Variants in MARCHF1 observed in about 807,000 individuals in gnomAD.
MARCHF1 encodes membrane associated ring-CH-type finger 1.
A neutral mutation model predicts 54.2 loss-of-function variants in MARCHF1; 40 were observed. The observed-to-expected ratio is 0.74, with a 90% CI of 0.57 to 0.96. The LOEUF is 0.96. MARCHF1 is among the 40% of genes least tolerant of loss of function. The pLI is 0.00. For missense variants in MARCHF1, 586 were observed against 656.5 expected, an observed-to-expected ratio of 0.89 and a Z score of 1.17; for synonymous variants, 236 against 236.3, an observed-to-expected ratio of 1.00 and a Z score of 0.01.
In MARCHF1 at chr4:164,051,935, T is replaced by C. The variant is rs1028949579; in HGVS notation, c.-248+59653A>G. ...TAGCCCCCTCAAAATGCAAAAGAAT[T>C]TTGATTTGCAGCTACCTAAAATGAA... On this transcript the variant is annotated intron_variant, in intron 2 of 9. Coordinates refer to ENST00000514618, the MANE Select transcript of MARCHF1 (RefSeq NM_001394959.1). Among the ~76,000 whole-genome samples, 3 of 152,318 alleles carry C rather than the reference T, an allele frequency of 2.0e-5. No individual in the cohort carries two copies. In the South Asian group the frequency reaches 6.2e-4, roughly 32 times the overall value.
At chr4:163,693,379 A>T (rs1744522436) in intron 5 of MARCHF1, among the ~76,000 whole-genome samples, 1 of 151,384 alleles carries the variant, frequency 6.6e-6, no homozygotes. Context: ...AGCATAAACC[A>T]CATTTTGGAA....
chr4:163,690,012 T>A (rs1744395354), intron 5 of MARCHF1, among the ~76,000 whole-genome samples: 1 of 152,106 alleles, frequency 6.6e-6, no homozygotes, highest in Admixed American at 6.6e-5. Context: ...TGACCCCTTT[T>A]TCTGAGGTTT....
intron 2 of MARCHF1, among the ~76,000 whole-genome samples, chr4:164,041,411 T>C (rs1295414205): frequency 1.3e-5 from 2 of 152,172 alleles, no homozygotes; most frequent in African/African-American, 4.8e-5. Context: ...TAGAAGCTCT[T>C]TGTGGATAAG....
At chr4:163,911,229 G>A (rs1751182237) in intron 3 of MARCHF1, among the ~76,000 whole-genome samples, 1 of 152,256 alleles carries the variant, frequency 6.6e-6, no homozygotes, top group African/African-American at 2.4e-5. Context: ...TTCAGAGGAT[G>A]GGGTGATTGA....
intron 3 of MARCHF1, among the ~76,000 whole-genome samples, chr4:163,931,485 C>T (rs1478521249): frequency 4.6e-5 from 7 of 152,062 alleles, no homozygotes; most frequent in African/African-American, 1.7e-4. Flanking sequence ...GGCGTGTTTG[C>T]CCCTTCCACC....
chr4:163,731,489 C>T (rs1456272730), intron 4 of MARCHF1, among the ~76,000 whole-genome samples: 1 of 152,140 alleles, frequency 6.6e-6, no homozygotes, highest in African/African-American at 2.4e-5. Context: ...GTTTCCAGGG[C>T]ATGGCATAGT....
chr4:163,607,673 T>G (rs1343032212), intron 7 of MARCHF1, among the ~76,000 whole-genome samples: 1 of 152,142 alleles, frequency 6.6e-6, no homozygotes, highest in African/African-American at 2.4e-5. Flanking sequence ...GACATTTGGC[T>G]TTTCAAATAC....
chr4:164,270,769 C>T (rs369219403), intron 1 of MARCHF1, among the ~76,000 whole-genome samples: 5 of 152,250 alleles, frequency 3.3e-5, no homozygotes, highest in East Asian at 1.9e-4. Flanking sequence ...ATATTATTTT[C>T]ATGTATAAAA....
At chr4:163,804,614 T>C (rs1748175126) in intron 4 of MARCHF1, among the ~76,000 whole-genome samples, 1 of 152,184 alleles carries the variant, frequency 6.6e-6, no homozygotes, top group Admixed American at 6.5e-5. Context: ...TCACCTCTTG[T>C]GAGAAAAATA....
intron 3 of MARCHF1, among the ~76,000 whole-genome samples, chr4:163,988,288 C>T (rs191816914): frequency 6.6e-6 from 1 of 152,248 alleles, no homozygotes; most frequent in Admixed American, 6.5e-5. Flanking sequence ...AGGAAGTGTC[C>T]CTATGGATCT....
At chr4:163,664,601 A>C (rs372413083) in intron 5 of MARCHF1, among the ~76,000 whole-genome samples, 1 of 152,058 alleles carries the variant, frequency 6.6e-6, no homozygotes, top group East Asian at 1.9e-4. Context: ...TGAATCTAAA[A>C]ATCATGTTTT....
chr4:163,975,655 T>C (rs767313471), intron 3 of MARCHF1, among the ~76,000 whole-genome samples: 4 of 152,132 alleles, frequency 2.6e-5, no homozygotes, highest in Non-Finnish European at 5.9e-5. Flanking sequence ...TTAGAAAGAT[T>C]GGAAGTGATG....
intron 3 of MARCHF1, among the ~76,000 whole-genome samples, chr4:163,893,397 C>T (rs1750706826): frequency 6.6e-6 from 1 of 152,112 alleles, no homozygotes; most frequent in African/African-American, 2.4e-5. Context: ...CCTCTGCCTC[C>T]CAAAGTGCCA....
At position 163,941,761 on chromosome 4, in the gene MARCHF1, A is replaced by T. The variant is rs149569888; in HGVS notation, c.-39+46740T>A. ...AAGGAGATAAGAGTGTTTATATCAC[A>T]GAGTTGTTGCAGTGATTAAAGCATT... On this transcript the variant is annotated intron_variant, in intron 3 of 9. Transcript: ENST00000514618. Among the ~76,000 whole-genome samples the T allele has an allele frequency of 1.6e-4, 24 of 152,316 alleles. No individual in the cohort carries two copies. In the East Asian group the frequency reaches 4.4e-3, roughly 28 times the overall value.
chr4:164,181,610 T>A (rs968828199), intron 1 of MARCHF1, among the ~76,000 whole-genome samples: 3 of 152,182 alleles, frequency 2.0e-5, no homozygotes, highest in African/African-American at 7.2e-5. Flanking sequence ...AGTTTTTTGA[T>A]AACTTTTCTA....
intron 2 of MARCHF1, among the ~76,000 whole-genome samples, chr4:164,040,801 A>T (rs1290651012): frequency 6.6e-6 from 1 of 152,038 alleles, no homozygotes; most frequent in Non-Finnish European, 1.5e-5. Context: ...TTGTGCTTGG[A>T]GAACTTCCAG....
At chr4:163,901,591 T>G (rs1750942412) in intron 3 of MARCHF1, among the ~76,000 whole-genome samples, 1 of 152,178 alleles carries the variant, frequency 6.6e-6, no homozygotes. Flanking sequence ...TTTTCAGCCC[T>G]GGGAATATTT....
At chr4:163,736,139 G>A (rs1746027742) in intron 4 of MARCHF1, among the ~76,000 whole-genome samples, 1 of 152,056 alleles carries the variant, frequency 6.6e-6, no homozygotes, top group Admixed American at 6.6e-5. Context: ...TTCCTATTAA[G>A]TAGAAAACTT....
At chr4:164,285,579 A>C (rs1039948344) in intron 1 of MARCHF1, among the ~76,000 whole-genome samples, 2 of 151,476 alleles carry the variant, frequency 1.3e-5, no homozygotes, top group African/African-American at 4.8e-5. Context: ...AGTAGCTAGG[A>C]CTCTAGGCGC....
Sources: allele counts gnomAD v4.1 joint callset (sites outside exome capture counted in the v4.1 genomes callset), GRCh38; gene constraint gnomAD v4.1.1; transcripts MANE v1.5; gene names NCBI Gene and HGNC (gene_info 2026-07-23, HGNC 2026-07-21).